Variants in BTNL9 observed in about 807,000 individuals in gnomAD.
BTNL9 encodes the protein butyrophilin like 9.
In BTNL9, 45 loss-of-function variants were observed where a neutral mutation model predicts 45.8. The observed-to-expected ratio is 0.98, with a 90% CI of 0.77 to 1.26. The LOEUF (loss-of-function observed/expected upper bound fraction) is 1.26. Among genes scored for constraint, BTNL9 ranks in the 50% most tolerant of loss-of-function variants. The pLI, the probability that BTNL9 is intolerant of heterozygous loss-of-function variation, is 0.00. For synonymous variants in BTNL9, 346 were observed against 330.8 expected (o/e 1.05, Z -0.50); for missense variants, 784 against 729.7 (o/e 1.07, Z -0.86).
intron 3 of BTNL9, among the ~76,000 whole-genome samples, chr5:181,048,727 C>CTA (rs1213235038): frequency 1.3e-4 from 12 of 89,272 alleles, no homozygotes; most frequent in Admixed American, 9.9e-4. Context: ...ATATATATAT[C>CTA]TATATATATA....
chr5:181,051,594 C>A (rs1218247790), intron 4 of BTNL9, among the ~76,000 whole-genome samples: 1 of 152,174 alleles, frequency 6.6e-6, no homozygotes, highest in Non-Finnish European at 1.5e-5. Context: ...TGGAGCCACG[C>A]AGCTAAGCTA....
At chr5:181,048,608 C>T (rs1223193967) in intron 3 of BTNL9, among the ~76,000 whole-genome samples, 2 of 150,928 alleles carry the variant, frequency 1.3e-5, no homozygotes, top group South Asian at 2.1e-4. Context: ...TGTGGTGGTG[C>T]GTGCCTGTAG....
chr5:181,045,820 T>C (rs1761091211), intron 2 of BTNL9, among the ~76,000 whole-genome samples: 3 of 129,734 alleles, frequency 2.3e-5, no homozygotes, highest in African/African-American at 6.3e-5. Context: ...CTCCACCATC[T>C]CTCCAGCCCT....
At chr5:181,044,528 A>G (rs964374423) in intron 1 of BTNL9, among the ~76,000 whole-genome samples, 7 of 152,226 alleles carry the variant, frequency 4.6e-5, no homozygotes, top group Non-Finnish European at 1.5e-5. Flanking sequence ...AAGAGCTCCT[A>G]GCAACCCATG....
intron 1 of BTNL9, 126 bp from the exon 2 acceptor site, chr5:181,045,341 G>T: frequency 1.7e-6 from 1 of 604,600 alleles, no homozygotes; most frequent in Middle Eastern, 2.9e-4. Context: ...AAGCGCTGAG[G>T]CTTGTAAGGA....
rs1420511548 is a variant in BTNL9 at position 181,053,906 on chromosome 5, C to T, written c.887-333C>T. On this transcript the variant is annotated intron_variant, in intron 6 of 10. Transcript: ENST00000327705. The surrounding 1 kb of genome is among the most constrained non-coding windows in gnomAD (Gnocchi z 6.5). Reference sequence around the variant, plus strand: ...GGGTCAGGAAGCGGCGGTCAGGCACCGAGAAAACAGCCCAGTTACGTGAGG... The same window carrying T: ...GGGTCAGGAAGCGGCGGTCAGGCACTGAGAAAACAGCCCAGTTACGTGAGG... The T allele has an allele frequency of 2.0e-6, 3 of 1,508,518 alleles. No homozygotes were observed. Among genetic ancestry groups the T allele is most frequent in the Admixed American group, 2.0e-5 (1 of 50,030 alleles). The allele number at this position is 1,508,518 out of a possible 1,614,324, so 93.4% of individuals were successfully genotyped here.
At chr5:181,052,935 G>GCGCTGCGGCCGC (rs1269748602) in intron 4 of BTNL9, 2 of 151,350 alleles carry the variant, frequency 1.3e-5, no homozygotes, top group Non-Finnish European at 2.9e-5. Context: ...GGCGAGGGCG[G>GCGCTGCGGCCGC]CGCTGCGGCC....
At position 181,060,693 on chromosome 5, in the gene BTNL9, C is replaced by T. The variant is rs1442790201; in HGVS notation, c.*831C>T. ...GCTGTTTCCAGTCTCAAAGCAGTAA[C>T]CTTATACACTACTTATAAGTTTGAA... On this transcript the variant is annotated 3_prime_UTR_variant, in exon 11 of 11. Transcript: ENST00000327705. The T allele has an allele frequency of 1.3e-5, 2 of 152,134 alleles. No individual in the cohort carries two copies. The highest frequency in any genetic ancestry group is 2.9e-5 in the Non-Finnish European group (2 of 68,034). The allele number at this position is 152,134 out of a possible 1,614,324, so 9.4% of individuals were successfully genotyped here.
chr5:181,059,596 C>T lies in BTNL9; in HGVS notation c.1342C>T (p.Arg448Cys), dbSNP rs143209155. 1.6e-5 allele frequency: 26 copies of T among 1,613,150 alleles called. No individual in the cohort carries two copies. In the African/African-American group the frequency reaches 2.9e-4, roughly 18 times the overall value. Reference protein sequence around the residue: ...VALTLRVPPRRLGVFLDYEAG... With the variant: ...VALTLRVPPRCLGVFLDYEAG... ...GCTCACCCTGCGCGTGCCCCCGCGG[C>T]GCCTGGGCGTCTTCCTGGACTACGA... The change falls in exon 11 of 11, where the codon CGC becomes TGC. Residue 448 changes from arginine to cysteine, a missense_variant. Transcript: ENST00000327705.
intron 1 of BTNL9, among the ~76,000 whole-genome samples, chr5:181,041,853 C>A (rs1361702529): frequency 6.6e-6 from 1 of 152,096 alleles, no homozygotes; most frequent in African/African-American, 2.4e-5. Flanking sequence ...CTTAGGAAAT[C>A]CAGAATAGTA....
intron 2 of BTNL9, 128 bp from the exon 3 acceptor site, chr5:181,047,799 T>C: frequency 3.4e-6 from 3 of 874,992 alleles, no homozygotes; most frequent in Middle Eastern, 3.4e-4. Flanking sequence ...AGGCCAGTTG[T>C]CCTGTAGAGT....
chr5:181,047,651 C>T, intron 2 of BTNL9: 1 of 605,706 alleles, frequency 1.7e-6, no homozygotes, highest in Non-Finnish European at 2.4e-6. Flanking sequence ...ACATAATTGT[C>T]CCCAAAATAA....
At chr5:181,045,706 A>C in intron 2 of BTNL9, 108 bp downstream of exon 2, 1 of 872,174 alleles carries the variant, frequency 1.1e-6, no homozygotes. Flanking sequence ...CAGACGCTAA[A>C]ATACAAAAAA....
intron 2 of BTNL9, among the ~76,000 whole-genome samples, chr5:181,046,633 A>G (rs974046060): frequency 2.0e-5 from 3 of 152,100 alleles, no homozygotes; most frequent in African/African-American, 7.2e-5. Context: ...TGGATGTGGC[A>G]TAAATGGCTG....
Position 181,055,627 on chromosome 5 carries a change from G to A in BTNL9, c.928+174G>A, listed in dbSNP as rs553360913. 2.7e-5 allele frequency: 21 copies of A among 781,532 alleles called. No individual in the cohort carries two copies. Among genetic ancestry groups the A allele is most frequent in the East Asian group, 1.3e-4 (5 of 37,886 alleles). The allele number at this position is 781,532 out of a possible 1,614,324, so 48.4% of individuals were successfully genotyped here. A position where few individuals can be genotyped will look rare whatever the true frequency, so the allele number is the denominator to read the frequency against. ...TTCTAAAAATACAAAAAATTAGCCC[G>A]GCGTGGCGGCATGTGCCTGTAGTCC... On this transcript the variant is annotated intron_variant, in intron 8 of 10. Transcript: ENST00000327705. This position sits in a 1 kb window ranked among gnomAD's most constrained non-coding sequence, Gnocchi z 4.4.
chr5:181,042,008 A>G lies in BTNL9; in HGVS notation c.-24+1576A>G, dbSNP rs1019365418. On this transcript the variant is annotated intron_variant, in intron 1 of 10. Coordinates refer to ENST00000327705, the MANE Select transcript of BTNL9 (RefSeq NM_152547.5). This position sits in a 1 kb window ranked among gnomAD's most constrained non-coding sequence, Gnocchi z 4.5. ...TCATCTTTAAAGACAGACTCGACGGAGGGACCGGAAATCAGAAAAACATCA... is the reference window on the plus strand; with the variant it reads ...TCATCTTTAAAGACAGACTCGACGGGGGGACCGGAAATCAGAAAAACATCA... 7.2e-5 allele frequency among the ~76,000 whole-genome samples: 11 copies of G among 152,232 alleles called. No individual in the cohort carries two copies. Among genetic ancestry groups the G allele is most frequent in the African/African-American group, 2.7e-4 (11 of 41,452 alleles).
At position 181,053,175 on chromosome 5, in the gene BTNL9, C is replaced by A; in HGVS notation, c.737-25C>A. ...CGGTGCTCAGCGGCGCCTGGACCGA[C>A]ACGGCCCCCGCGGGTGTTTTCCAGA... On this transcript the variant is annotated intron_variant, in intron 4 of 10. Transcript: ENST00000327705. This position sits in a 1 kb window ranked among gnomAD's most constrained non-coding sequence, Gnocchi z 6.5. 2.6e-6 allele frequency: 4 copies of A among 1,559,362 alleles called. No individual in the cohort carries two copies. The highest frequency in any genetic ancestry group is 3.5e-6 in the Non-Finnish European group (4 of 1,151,790).
intron 9 of BTNL9, among the ~76,000 whole-genome samples, chr5:181,058,125 C>T (rs1761977906): frequency 6.6e-6 from 1 of 152,202 alleles, no homozygotes; most frequent in African/African-American, 2.4e-5. Flanking sequence ...GAATTTCAGC[C>T]TGCACGTAGC....
chr5:181,048,791 TA>T (rs1761349413), intron 3 of BTNL9, among the ~76,000 whole-genome samples: 1 of 32,254 alleles, frequency 3.1e-5, no homozygotes, highest in Non-Finnish European at 6.7e-5. Context: ...ATTAATTATA[TA>T]GTTATATATT....
Sources: allele counts gnomAD v4.1 joint callset (sites outside exome capture counted in the v4.1 genomes callset), GRCh38; gene constraint gnomAD v4.1.1; non-coding constraint Gnocchi (gnomAD v3.1); transcripts MANE v1.5; gene names NCBI Gene and HGNC (gene_info 2026-07-23, HGNC 2026-07-21).